KCNK2: variants seen among roughly 807,000 people sequenced by gnomAD.
KCNK2 encodes potassium channel subfamily K member 2.
A neutral mutation model predicts 40.5 loss-of-function variants in KCNK2; 21 were observed. That is an observed-to-expected ratio of 0.52 (90% confidence interval 0.37 to 0.75). The LOEUF (loss-of-function observed/expected upper bound fraction) is 0.75. KCNK2 is among the 30% of genes least tolerant of loss of function. KCNK2 has a pLI of 0.00. For synonymous variants in KCNK2, 191 were observed against 202.2 expected (o/e 0.94, Z 0.47); for missense variants, 399 against 531.6 (o/e 0.75, Z 2.45).
chr1:215,209,506 T>TACATATATATA (rs1558140428), intron 6 of KCNK2, among the ~76,000 whole-genome samples: 7 of 5,410 alleles, frequency 1.3e-3, no homozygotes, highest in Non-Finnish European at 2.1e-3. Context: ...TAATATATAA[T>TACATATATATA]ATATATAAAA....
intron 5 of KCNK2, among the ~76,000 whole-genome samples, chr1:215,183,928 G>T (rs944933611): frequency 1.3e-5 from 2 of 152,104 alleles, no homozygotes; most frequent in South Asian, 2.1e-4. Flanking sequence ...GTTAATTAAG[G>T]TTCAACCAGA....
chr1:215,209,982 ATATATAATATATAATATATATT>A (rs1412550065), intron 6 of KCNK2, among the ~76,000 whole-genome samples: 11 of 4,644 alleles, frequency 2.4e-3, no homozygotes, highest in Non-Finnish European at 9.0e-3. Flanking sequence ...TATATATATT[ATATATAATATATAATATATATT>A]ATATATAATA....
Position 215,177,740 on chromosome 1 carries a change from A to ATTTT in KCNK2, c.823+5566_823+5569dup, listed in dbSNP as rs375712483. 7.3e-3 allele frequency among the ~76,000 whole-genome samples: 746 copies of ATTTT among 101,558 alleles called. 13 individuals are homozygous for ATTTT. The highest frequency in any genetic ancestry group is 0.023 in the African/African-American group (663 of 28,472). The allele number at this position is 101,558 out of a possible 152,430, so 66.6% of individuals were successfully genotyped here. ...TATATGTGTATATATATATATATAT[A>ATTTT]TTTTTTTTTTTTGTAGCAGTACCAT... On this transcript the variant is annotated intron_variant, in intron 5 of 6. Transcript: ENST00000444842.
At chr1:215,184,213 A>G (rs1664336544) in intron 5 of KCNK2, among the ~76,000 whole-genome samples, 1 of 152,136 alleles carries the variant, frequency 6.6e-6, no homozygotes. Context: ...GTCCTGAAAC[A>G]CTCATTTTTC....
intron 1 of KCNK2, among the ~76,000 whole-genome samples, chr1:215,033,069 T>G (rs1461341511): frequency 6.6e-6 from 1 of 152,050 alleles, no homozygotes; most frequent in Non-Finnish European, 1.5e-5. Context: ...CTCTTCACTT[T>G]CAGTTTTGGA....
intron 6 of KCNK2, among the ~76,000 whole-genome samples, chr1:215,202,032 C>G (rs1665100433): frequency 6.6e-6 from 1 of 152,010 alleles, no homozygotes; most frequent in African/African-American, 2.4e-5. Context: ...TGTTATTGTT[C>G]TCTTACTGAG....
At chr1:215,045,898 G>A (rs978515510) in intron 1 of KCNK2, among the ~76,000 whole-genome samples, 1 of 152,064 alleles carries the variant, frequency 6.6e-6, no homozygotes, top group Admixed American at 6.6e-5. Context: ...CAGTCAATTT[G>A]CAGTAATTAC....
At chr1:215,125,639 A>C (rs866061920) in intron 3 of KCNK2, among the ~76,000 whole-genome samples, 1 of 151,864 alleles carries the variant, frequency 6.6e-6, no homozygotes, top group Middle Eastern at 3.4e-3. Context: ...CCTAATGTAA[A>C]TGATGAGTTA....
chr1:215,012,714 AT>A (rs1024900799), intron 1 of KCNK2, among the ~76,000 whole-genome samples: 3 of 106,078 alleles, frequency 2.8e-5, no homozygotes, highest in African/African-American at 1.0e-4. Context: ...CATCATTATT[AT>A]TTTTTTTAAC....
Position 215,083,431 on chromosome 1 carries a change from G to A in KCNK2, c.46G>A (p.Val16Met), listed in dbSNP as rs780988028. The change falls in exon 1 of 7, where the codon GTG (valine) becomes ATG (methionine). Residue 16 changes from valine to methionine, a missense_variant and splice_region_variant. By Grantham distance (21) the Val-to-Met change is conservative. Around this residue, in one of 3 missense-constraint regions of KCNK2, gnomAD observed 279 missense variants for 353.8 expected, o/e 0.79. Transcript: ENST00000444842. ...SRERPGYRAG[V>M]AAPDLLDPKS... ...GGAGAGACCCGGCTATAGAGCAGGA[G>A]GTGAGACCCCCCCTCCGGTACCCCC... is the stretch of plus-strand genomic sequence containing the variant. 3.7e-6 allele frequency: 6 copies of A among 1,611,592 alleles called. No homozygotes were observed. The South Asian group carries it at 6.6e-5, about 18-fold the overall frequency.
Position 215,021,537 on chromosome 1 carries a change from C to CTTTTTTT in KCNK2, c.34+15602_34+15608dup, listed in dbSNP as rs538476962. Reference sequence around the variant, plus strand: ...TCTCTTCTGGAGCTGGGACAACCATCTTTTTTTTTTTTTTTTTTTTTTTTT... The same window carrying CTTTTTTT: ...TCTCTTCTGGAGCTGGGACAACCATCTTTTTTTTTTTTTTTTTTTTTTTTTTTTTTTT... On this transcript the variant is annotated intron_variant, in intron 1 of 6. Transcript: ENST00000391895. Among the ~76,000 whole-genome samples, 26 of 96,326 alleles carry CTTTTTTT rather than the reference C, an allele frequency of 2.7e-4. 3 individuals are homozygous for CTTTTTTT. In the South Asian group the frequency reaches 2.8e-3, roughly 11 times the overall value. 63.2% of individuals were successfully genotyped at this position (96,326 alleles called of 152,430 possible).
intron 2 of KCNK2, among the ~76,000 whole-genome samples, chr1:215,096,285 C>T (rs61818305): frequency 0.11 from 17,354 of 151,400 alleles, 3,292 homozygotes; most frequent in African/African-American, 0.39. Context: ...TTTGCTGTCT[C>T]CATTTTTCAA....
Position 215,236,411 on chromosome 1 carries a change from G to A in KCNK2, c.*1266G>A, listed in dbSNP as rs527518646. On this transcript the variant is annotated 3_prime_UTR_variant, in exon 7 of 7. Transcript: ENST00000444842. ...GCTGTGAGGGCAGAAGTTGAAGTTGGGATCACTGTGACTTTGCACATGGAA... is the reference window on the plus strand; with the variant it reads ...GCTGTGAGGGCAGAAGTTGAAGTTGAGATCACTGTGACTTTGCACATGGAA... 2.6e-5 allele frequency: 4 copies of A among 152,646 alleles called. No homozygotes were observed. The South Asian group carries it at 8.3e-4, about 32-fold the overall frequency. 9.5% of individuals were successfully genotyped at this position (152,646 alleles called of 1,614,324 possible).
At chr1:215,183,728 T>A (rs926689885) in intron 5 of KCNK2, among the ~76,000 whole-genome samples, 12 of 152,190 alleles carry the variant, frequency 7.9e-5, no homozygotes, top group African/African-American at 2.9e-4. Context: ...ATGGTAAAAA[T>A]TAGAGTAGGA....
intron 1 of KCNK2, among the ~76,000 whole-genome samples, chr1:215,037,753 T>TC (rs975243059): frequency 7.9e-5 from 12 of 151,984 alleles, no homozygotes; most frequent in African/African-American, 2.9e-4. Flanking sequence ...ATCTAGTTTT[T>TC]CCTATAATTC....
At chr1:215,055,258 T>C (rs975070027) in intron 1 of KCNK2, among the ~76,000 whole-genome samples, 1 of 152,360 alleles carries the variant, frequency 6.6e-6, no homozygotes, top group Admixed American at 6.5e-5. Flanking sequence ...GTGTCTTTTA[T>C]GTCCCAATCA....
intron 6 of KCNK2, among the ~76,000 whole-genome samples, chr1:215,212,895 A>G (rs79628920): frequency 0.014 from 2,203 of 152,318 alleles, 52 homozygotes; most frequent in African/African-American, 0.049. Context: ...TCCCTTTGAC[A>G]GTGTTTCATA....
intron 2 of KCNK2, among the ~76,000 whole-genome samples, chr1:215,112,170 A>G (rs926384768): frequency 1.3e-5 from 2 of 151,972 alleles, no homozygotes; most frequent in African/African-American, 4.8e-5. Context: ...AGCCTTTTGG[A>G]AAGTCTGCTT....
At chr1:215,080,216 C>T (rs1659098482), upstream of KCNK2, among the ~76,000 whole-genome samples, 1 of 152,170 alleles carries the variant, frequency 6.6e-6, no homozygotes, top group South Asian at 2.1e-4. Context: ...CAGGCATATT[C>T]AAACTATTAA....
Sources: allele counts gnomAD v4.1 joint callset (sites outside exome capture counted in the v4.1 genomes callset), GRCh38; gene constraint gnomAD v4.1.1; regional missense constraint gnomAD v4.1.1; transcripts MANE v1.5; gene names NCBI Gene and HGNC (gene_info 2026-07-23, HGNC 2026-07-21).